Variants in CCDC88C observed in about 807,000 individuals in gnomAD.
The protein encoded by CCDC88C is coiled-coil and HOOK domain protein 88C, also known as protein Daple.
CCDC88C carries 131 observed loss-of-function variants against 198.8 expected under a neutral mutation model. That is an observed-to-expected ratio of 0.66 (90% CI 0.57 to 0.76). CCDC88C has a LOEUF of 0.76. Among genes scored for constraint, CCDC88C ranks in the 30% least tolerant of loss-of-function variants. The probability of loss-of-function intolerance (pLI) is 0.00; values close to 1 mark genes in which losing one functional copy is unlikely to be tolerated. For missense variants in CCDC88C, 2,553 were observed against 2,631.6 expected (o/e 0.97, Z 0.65); for synonymous variants, 1,166 against 1,114.7 (o/e 1.05, Z -0.92).
intron 20 of CCDC88C, among the ~76,000 whole-genome samples, chr14:91,300,296 A>T (rs1238590525): frequency 1.3e-5 from 2 of 152,188 alleles, no homozygotes; most frequent in Non-Finnish European, 2.9e-5. Context: ...CTCTTCCTCC[A>T]GCCCGTTCTG....
At chr14:91,326,205 T>A (rs1236294550) in intron 10 of CCDC88C, 149 bp from the exon 11 acceptor site, 2 of 663,798 alleles carry the variant, frequency 3.0e-6, no homozygotes, top group Non-Finnish European at 5.0e-6. Context: ...CCTCTACTTT[T>A]TTTTTTATCA....
At chr14:91,277,370 A>T (rs1713388080) in intron 29 of CCDC88C, among the ~76,000 whole-genome samples, 1 of 152,226 alleles carries the variant, frequency 6.6e-6, no homozygotes, top group Non-Finnish European at 1.5e-5. Flanking sequence ...ATTTCACATC[A>T]TGCGAAAATC....
intron 10 of CCDC88C, among the ~76,000 whole-genome samples, chr14:91,336,631 C>G (rs966424090): frequency 6.6e-6 from 1 of 152,228 alleles, no homozygotes; most frequent in African/African-American, 2.4e-5. Context: ...CAGGACAAAG[C>G]TGAGAAACGG....
intron 10 of CCDC88C, among the ~76,000 whole-genome samples, chr14:91,337,447 C>CTCCTG (rs754355080): frequency 2.0e-5 from 3 of 152,240 alleles, no homozygotes; most frequent in Non-Finnish European, 2.9e-5. Flanking sequence ...TCAAGCAATC[C>CTCCTG]TCCTGCCTCA....
At position 91,303,781 on chromosome 14, in the gene CCDC88C, G is replaced by A. The variant is rs375940741; in HGVS notation, c.3555C>T (p.Tyr1185=). 103 of 1,613,390 alleles carry A rather than the reference G, an allele frequency of 6.4e-5. 1 individual carries two copies. The African/African-American group carries it at 8.4e-4, about 13-fold the overall frequency. ...GTLHERQSAE[Y]EALIRQHSCL... The stretch of plus-strand genomic sequence containing the variant: ...AGCTGTGCTGGCGGATGAGGGCCTC[G>A]TACTCGGCCGATTGCCGCTCGTGCA... Residue 1185 remains tyrosine (Y), a synonymous_variant, in exon 20 of 30, where the codon TAC becomes TAT. Coordinates refer to ENST00000389857, the MANE Select transcript of CCDC88C (RefSeq NM_001080414.4).
chr14:91,298,989 T>C (rs753696276), intron 21 of CCDC88C, among the ~76,000 whole-genome samples: 2 of 152,160 alleles, frequency 1.3e-5, no homozygotes, highest in Non-Finnish European at 2.9e-5. Flanking sequence ...AAGATAACAA[T>C]AGTATAGTCG....
chr14:91,335,798 T>TA (rs1179227483), intron 10 of CCDC88C, among the ~76,000 whole-genome samples: 1 of 152,212 alleles, frequency 6.6e-6, no homozygotes. Context: ...AAGCATCCTA[T>TA]GAGGACTGAA....
chr14:91,360,058 A>T (rs1309266958), intron 3 of CCDC88C, among the ~76,000 whole-genome samples: 1 of 152,232 alleles, frequency 6.6e-6, no homozygotes, highest in Non-Finnish European at 1.5e-5. Flanking sequence ...ATGACATGCT[A>T]GGACAGCAGT....
At chr14:91,349,016 A>C (rs1483025451) in intron 4 of CCDC88C, among the ~76,000 whole-genome samples, 1 of 152,222 alleles carries the variant, frequency 6.6e-6, no homozygotes, top group Non-Finnish European at 1.5e-5. Context: ...GATTTCAGTC[A>C]TAAGAAAAAC....
intron 10 of CCDC88C, among the ~76,000 whole-genome samples, chr14:91,332,140 A>G (rs1345331595): frequency 6.6e-6 from 1 of 152,224 alleles, no homozygotes; most frequent in Admixed American, 6.5e-5. Context: ...CACTCCGCTC[A>G]GGATGCACAC....
chr14:91,319,083 G>T (rs543171633), intron 13 of CCDC88C, among the ~76,000 whole-genome samples: 1 of 152,276 alleles, frequency 6.6e-6, no homozygotes, highest in East Asian at 1.9e-4. Flanking sequence ...CATCCTGCAT[G>T]GCAGTCAGCC....
In CCDC88C at chr14:91,338,622, A is replaced by T; in HGVS notation, c.810-52T>A. 1 of 1,364,572 alleles carries T rather than the reference A, an allele frequency of 7.3e-7. No individual in the cohort carries two copies. The highest frequency in any genetic ancestry group is 1.0e-6 in the Non-Finnish European group (1 of 977,772). 84.5% of individuals were successfully genotyped at this position (1,364,572 alleles called of 1,614,324 possible). On this transcript the variant is annotated intron_variant, in intron 8 of 29. Transcript: ENST00000389857. This position sits in a 1 kb window ranked among gnomAD's most constrained non-coding sequence, Gnocchi z 4.8. ...GTGGGAGGCAGCTTCCTCAACAAGC[A>T]GCCCTGGGAGCAGGCTGCCACTTCC...
intron 6 of CCDC88C, 178 bp downstream of exon 6, chr14:91,342,202 T>G (rs757128848): frequency 9.3e-6 from 4 of 431,400 alleles, no homozygotes; most frequent in Non-Finnish European, 1.6e-5. Context: ...AGCTGGCTGA[T>G]TGATGGCTAT....
chr14:91,383,591 C>T (rs141159190), intron 3 of CCDC88C, among the ~76,000 whole-genome samples: 170 of 152,292 alleles, frequency 1.1e-3, no homozygotes, highest in African/African-American at 3.5e-3. Context: ...GGATACTCCA[C>T]GAGGTATCGG....
chr14:91,412,546 C>T (rs777174423), intron 2 of CCDC88C, among the ~76,000 whole-genome samples: 8 of 151,952 alleles, frequency 5.3e-5, no homozygotes, highest in African/African-American at 9.7e-5. Context: ...GCCATTCTCC[C>T]GCCTCAGCCT....
Position 91,278,077 on chromosome 14 carries a change from A to G in CCDC88C, c.4903T>C (p.Leu1635=). Residue 1635 remains leucine, a synonymous_variant, in exon 29 of 30, where the codon TTG becomes CTG. Transcript: ENST00000389857. ...TGTGGGAGAGGCCCGTTCCGAGGCA[A>G]GGGGTACTCGTGGCGGCCGAGGGCG... is the stretch of plus-strand genomic sequence containing the variant. ...RNALGRHEYP[L]PRNGPLPQEG... is the part of the protein sequence containing the mutation. 1.2e-6 allele frequency: 2 copies of G among 1,612,530 alleles called. No individual in the cohort carries two copies. Among genetic ancestry groups the G allele is most frequent in the Non-Finnish European group, 8.5e-7 (1 of 1,179,428 alleles).
At chr14:91,349,315 A>G (rs933296538) in intron 4 of CCDC88C, among the ~76,000 whole-genome samples, 1 of 152,220 alleles carries the variant, frequency 6.6e-6, no homozygotes, top group African/African-American at 2.4e-5. Context: ...GCTGAGTTCC[A>G]CAGATAAGGA....
chr14:91,288,609 AAAC>A lies in CCDC88C; in HGVS notation c.4441+493_4441+495del, dbSNP rs1439822809. The A allele has an allele frequency of 1.9e-5, 3 of 153,952 alleles. No homozygotes were observed. The highest frequency in any genetic ancestry group is 7.2e-5 in the African/African-American group (3 of 41,448). The allele number at this position is 153,952 out of a possible 1,614,324, so 9.5% of individuals were successfully genotyped here. A position where few individuals can be genotyped will look rare whatever the true frequency, so the allele number is the denominator to read the frequency against. ...ATGATGAATGATACCTTTTGTTCTA[AAAC>A]AACAAAAGTGGTTGGGCGTGGCAGC... is the stretch of plus-strand genomic sequence containing the variant. On this transcript the variant is annotated intron_variant, in intron 25 of 29. Coordinates refer to ENST00000389857, the MANE Select transcript of CCDC88C (RefSeq NM_001080414.4). The surrounding 1 kb of genome is among the most constrained non-coding windows in gnomAD (Gnocchi z 4.2).
chr14:91,342,202 T>C (rs757128848), intron 6 of CCDC88C, 178 bp downstream of exon 6: 4 of 431,518 alleles, frequency 9.3e-6, no homozygotes, highest in Non-Finnish European at 1.6e-5. Flanking sequence ...AGCTGGCTGA[T>C]TGATGGCTAT....
Sources: allele counts gnomAD v4.1 joint callset (sites outside exome capture counted in the v4.1 genomes callset), GRCh38; gene constraint gnomAD v4.1.1; non-coding constraint Gnocchi (gnomAD v3.1); transcripts MANE v1.5; gene names NCBI Gene and HGNC (gene_info 2026-07-23, HGNC 2026-07-21).